NTRK3: variants seen among roughly 807,000 people sequenced by gnomAD.
NTRK3 encodes the protein neurotrophic receptor tyrosine kinase 3, also known as NT-3 growth factor receptor.
Under a neutral mutation model 91.7 loss-of-function variants are expected in NTRK3, and 24 were observed. The observed-to-expected ratio is 0.26, with a 90% CI of 0.19 to 0.37. The LOEUF is 0.37. NTRK3 is among the 10% of genes least tolerant of loss of function. The pLI, the probability that NTRK3 is intolerant of heterozygous loss-of-function variation, is 1.00. For synonymous variants in NTRK3, 483 were observed against 404.0 expected, an observed-to-expected ratio of 1.20 and a Z score of -2.34; for missense variants, 880 against 1,068.9, an observed-to-expected ratio of 0.82 and a Z score of 2.46.
At chr15:87,940,105 C>T (rs1249238030) in intron 15 of NTRK3, among the ~76,000 whole-genome samples, 3 of 152,338 alleles carry the variant, frequency 2.0e-5, no homozygotes, top group South Asian at 4.1e-4. Context: ...TCTCCAACCT[C>T]ACTCACTATT....
chr15:88,071,321 C>T (rs534653393), intron 13 of NTRK3, among the ~76,000 whole-genome samples: 10 of 152,368 alleles, frequency 6.6e-5, no homozygotes, highest in Admixed American at 5.2e-4. Flanking sequence ...CTGCTTCCTT[C>T]CTGAGCACAA....
At chr15:88,169,675 T>A (rs1483087680) in intron 5 of NTRK3, among the ~76,000 whole-genome samples, 4 of 151,902 alleles carry the variant, frequency 2.6e-5, no homozygotes, top group African/African-American at 9.7e-5. Context: ...TGGTGGGGAG[T>A]CACCTTGTCA....
At chr15:88,136,039 G>C in exon 9 of NTRK3, 2 of 1,614,198 alleles carry the variant, frequency 1.2e-6, no homozygotes, top group Non-Finnish European at 1.7e-6. Flanking sequence ...GTTCAGATTG[G>C]TCTGAAAACC....
intron 17 of NTRK3, among the ~76,000 whole-genome samples, chr15:87,923,779 G>T (rs1316235147): frequency 1.3e-5 from 2 of 152,152 alleles, no homozygotes; most frequent in African/African-American, 2.4e-5. Flanking sequence ...AATCATGAGA[G>T]CTCTGCTCTC....
At chr15:88,217,715 A>G (rs569407054) in intron 3 of NTRK3, among the ~76,000 whole-genome samples, 158 of 152,322 alleles carry the variant, frequency 1.0e-3, no homozygotes, top group African/African-American at 3.5e-3. Flanking sequence ...TGAGCTGTAC[A>G]CTTAAAAATG....
rs2051912954 is a variant in NTRK3, at chr15:88,237,627, T to C, written c.248+18279A>G. 6.6e-6 allele frequency among the ~76,000 whole-genome samples: 1 copy of C among 152,240 alleles called. No homozygotes were observed. Among genetic ancestry groups the C allele is most frequent in the African/African-American group, 2.4e-5 (1 of 41,460 alleles). On this transcript the variant is annotated intron_variant, in intron 3 of 18. Coordinates refer to ENST00000394480, the Ensembl canonical transcript of NTRK3. The surrounding 1 kb of genome is among the most constrained non-coding windows in gnomAD (Gnocchi z 4.0). ...TGTCCTGTGGACCCTTCTCAGATGTTGCACTTGCTTGCGTGTGTCCTTCCC... is the reference window on the plus strand; with the variant it reads ...TGTCCTGTGGACCCTTCTCAGATGTCGCACTTGCTTGCGTGTGTCCTTCCC...
At chr15:87,970,428 G>A (rs1264861437) in intron 14 of NTRK3, among the ~76,000 whole-genome samples, 1 of 152,202 alleles carries the variant, frequency 6.6e-6, no homozygotes, top group African/African-American at 2.4e-5. Context: ...TGCTGGGTGT[G>A]GTGGTTTCTT....
At chr15:87,873,492 T>C (rs553523062) in exon 19 of NTRK3, 2 of 231,504 alleles carry the variant, frequency 8.6e-6, no homozygotes, top group South Asian at 1.8e-4. Flanking sequence ...TCCGGTGAGG[T>C]TGGCATGGCA....
intron 10 of NTRK3, among the ~76,000 whole-genome samples, chr15:88,131,488 A>G (rs894599899): frequency 6.6e-6 from 1 of 152,120 alleles, no homozygotes; most frequent in African/African-American, 2.4e-5. Flanking sequence ...TCCTGGGCAT[A>G]CCCTTCGTGC....
At chr15:88,178,873 A>G (rs559146346) in intron 5 of NTRK3, among the ~76,000 whole-genome samples, 26 of 152,320 alleles carry the variant, frequency 1.7e-4, no homozygotes, top group Non-Finnish European at 3.5e-4. Context: ...CAGCTCTTTC[A>G]CGGAACTTTA....
chr15:87,979,416 T>C (rs1251422485), intron 14 of NTRK3: 1 of 1,613,922 alleles, frequency 6.2e-7, no homozygotes, highest in Admixed American at 1.7e-5. Context: ...TTAAGAGGCT[T>C]GGAATGTCCG....
chr15:88,032,780 C>A (rs965587754), intron 14 of NTRK3, 77 bp downstream of exon 14: 5 of 1,543,034 alleles, frequency 3.2e-6, no homozygotes, highest in Non-Finnish European at 4.5e-6. Flanking sequence ...TAGAAGGTTC[C>A]AGAACCCCAG....
intron 3 of NTRK3, among the ~76,000 whole-genome samples, chr15:88,209,612 G>A (rs908285692): frequency 6.6e-5 from 10 of 152,232 alleles, no homozygotes; most frequent in African/African-American, 1.9e-4. Context: ...AGGAGGAAGT[G>A]GTGCTGTGAA....
intron 14 of NTRK3, among the ~76,000 whole-genome samples, chr15:87,969,714 C>G (rs1428708014): frequency 6.6e-6 from 1 of 152,212 alleles, no homozygotes; most frequent in African/African-American, 2.4e-5. Context: ...GCCCAGGCAA[C>G]TCCCTGGAGA....
At chr15:88,134,090 G>T (rs2041645007) in intron 10 of NTRK3, among the ~76,000 whole-genome samples, 2 of 152,182 alleles carry the variant, frequency 1.3e-5, no homozygotes, top group Admixed American at 1.3e-4. Context: ...GTGTGAGCAT[G>T]CATGTGCATG....
At chr15:88,138,110 A>G (rs1455792716) in intron 6 of NTRK3, among the ~76,000 whole-genome samples, 1 of 152,098 alleles carries the variant, frequency 6.6e-6, no homozygotes, top group Non-Finnish European at 1.5e-5. Context: ...ATCCTTTTAA[A>G]GAGATATCAG....
At position 87,904,102 on chromosome 15, in the gene NTRK3, A is replaced by G. The variant is rs532313645; in HGVS notation, c.2134-23674T>C. On this transcript the variant is annotated intron_variant, in intron 17 of 18. Coordinates refer to ENST00000394480, the Ensembl canonical transcript of NTRK3. ...GAGATATCCCAGCATGCTACTTTAA[A>G]GGACCTGTCTATGACCAAGACATGC... Among the ~76,000 whole-genome samples, 3 of 151,982 alleles carry G rather than the reference A, an allele frequency of 2.0e-5. No individual in the cohort carries two copies. In the South Asian group the frequency reaches 6.2e-4, roughly 32 times the overall value.
At chr15:88,092,851 T>C (rs1202469155) in intron 13 of NTRK3, among the ~76,000 whole-genome samples, 1 of 152,206 alleles carries the variant, frequency 6.6e-6, no homozygotes, top group East Asian at 1.9e-4. Context: ...CTGTGCATGT[T>C]CAAATCACCC....
rs188019709 is a variant in NTRK3, at chr15:88,035,751, A to G, written c.1397-2706T>C. 2.6e-5 allele frequency among the ~76,000 whole-genome samples: 4 copies of G among 152,358 alleles called. No individual in the cohort carries two copies. In the East Asian group the frequency reaches 7.7e-4, roughly 29 times the overall value. On this transcript the variant is annotated intron_variant, in intron 13 of 18. Coordinates refer to ENST00000394480, the Ensembl canonical transcript of NTRK3. ...GACCTGCAGGAAACAGAGGCAATGC[A>G]GGAAGCAGAAGAAGACTTTCTAAAC...
Sources: gnomAD v4.1 joint callset for allele counts (sites outside exome capture counted in the v4.1 genomes callset) on GRCh38, gnomAD v4.1.1 for gene constraint, Gnocchi (gnomAD v3.1) non-coding constraint, MANE v1.5 for transcripts, NCBI Gene and HGNC (gene_info 2026-07-23, HGNC 2026-07-21) for gene names.